PDHX: variants seen among roughly 807,000 people sequenced by gnomAD.
PDHX encodes the protein pyruvate dehydrogenase protein X component, mitochondrial.
In PDHX, 33 loss-of-function variants were observed where a neutral mutation model predicts 55.3. That is an observed-to-expected ratio of 0.60 (90% confidence interval 0.45 to 0.80). The LOEUF (loss-of-function observed/expected upper bound fraction) is 0.80, where lower values mean the gene tolerates loss of function less well. Ranked by LOEUF, PDHX falls within the 30% of genes least tolerant of loss-of-function variation. The pLI is 0.00. For missense variants in PDHX, 622 were observed against 619.9 expected (o/e 1.00, Z -0.04); for synonymous variants, 226 against 219.4 (o/e 1.03, Z -0.27).
chr11:34,970,179 T>A lies in PDHX; in HGVS notation c.857T>A (p.Val286Asp), dbSNP rs1855227740. The A allele has an allele frequency of 6.2e-7, 1 of 1,612,680 alleles. No individual in the cohort carries two copies. Among genetic ancestry groups the A allele is most frequent in the East Asian group, 2.2e-5 (1 of 44,856 alleles). The change falls in exon 7 of 11, where the codon GTT (valine) becomes GAT (aspartate). Residue 286 changes from valine (V) to aspartate (D), a missense_variant. Coordinates refer to ENST00000227868, the MANE Select transcript of PDHX (RefSeq NM_003477.3). ...ATCCCCGCCAGCAATATTCGAAGAG[T>A]TATTGCCAAGAGATTAACTGAATCT... ...TEIPASNIRRVIAKRLTESKS... is the reference protein window; with the variant it reads ...TEIPASNIRRDIAKRLTESKS...
intron 3 of PDHX, among the ~76,000 whole-genome samples, chr11:34,951,647 G>A (rs1473960546): frequency 1.3e-5 from 2 of 152,050 alleles, no homozygotes; most frequent in African/African-American, 4.8e-5. Context: ...TTTATAGGTT[G>A]CCTGTTCACT....
At chr11:34,969,334 G>A (rs1386060454) in intron 6 of PDHX, among the ~76,000 whole-genome samples, 1 of 150,866 alleles carries the variant, frequency 6.6e-6, no homozygotes, top group African/African-American at 2.4e-5. Flanking sequence ...TTTATTTCAG[G>A]TGGTTTTTTT....
chr11:34,941,355 A>G (rs536108419), intron 2 of PDHX, among the ~76,000 whole-genome samples: 7 of 152,352 alleles, frequency 4.6e-5, no homozygotes, highest in African/African-American at 9.6e-5. Flanking sequence ...CTGTTCTTCA[A>G]TCAGATTAGG....
At chr11:34,927,696 T>TA (rs559488455) in intron 1 of PDHX, among the ~76,000 whole-genome samples, 49 of 152,230 alleles carry the variant, frequency 3.2e-4, no homozygotes, top group African/African-American at 1.2e-3. Context: ...CATTAATGCT[T>TA]ATGAAATGAT....
In PDHX at chr11:34,945,983, C is replaced by T. The variant is rs117102733; in HGVS notation, c.242-1523C>T. Among the ~76,000 whole-genome samples the T allele has an allele frequency of 6.2e-4, 94 of 152,324 alleles. 1 individual carries two copies. The East Asian group carries it at 0.016, about 27-fold the overall frequency. On this transcript the variant is annotated intron_variant, in intron 2 of 10. Transcript: ENST00000227868. ...ACTAATTCTTCAGGTATTGCTTCTC[C>T]ACCAGTGCCTCCAGTGTCTTCCCTC...
chr11:34,924,188 A>G (rs1275586693), intron 1 of PDHX, among the ~76,000 whole-genome samples: 12 of 152,208 alleles, frequency 7.9e-5, no homozygotes, highest in South Asian at 2.1e-4. Flanking sequence ...TCAAAAATAA[A>G]TAACTAACAT....
chr11:34,946,790 A>C (rs1245344457), intron 2 of PDHX, among the ~76,000 whole-genome samples: 2 of 152,180 alleles, frequency 1.3e-5, no homozygotes, highest in Non-Finnish European at 2.9e-5. Context: ...CCAAATAGTG[A>C]ATCTGATTTG....
chr11:34,916,875 G>C, intron 1 of PDHX, 60 bp downstream of exon 1: 1 of 1,475,536 alleles, frequency 6.8e-7, no homozygotes, highest in South Asian at 1.2e-5. Context: ...CTGGGACAGG[G>C]GCAGTTATGA....
intron 1 of PDHX, among the ~76,000 whole-genome samples, chr11:34,922,864 T>TTGTGTG (rs60096111): frequency 0.07 from 10,025 of 143,326 alleles, 391 homozygotes; most frequent in East Asian, 0.082. Context: ...CAAAGTATCG[T>TTGTGTG]TGTGTGTGTG....
chr11:34,982,953 G>T (rs947761898), intron 8 of PDHX, among the ~76,000 whole-genome samples: 3 of 152,018 alleles, frequency 2.0e-5, no homozygotes, highest in Non-Finnish European at 4.4e-5. Context: ...TACCAAAGCC[G>T]GGCAGAGACA....
intron 9 of PDHX, among the ~76,000 whole-genome samples, chr11:34,991,674 C>T (rs560065200): frequency 4.6e-5 from 7 of 151,960 alleles, no homozygotes; most frequent in Non-Finnish European, 1.0e-4. Flanking sequence ...TTTGGGAGGC[C>T]GAGGTGGGTG....
chr11:34,945,597 C>A (rs1425740428), intron 2 of PDHX, among the ~76,000 whole-genome samples: 1 of 152,100 alleles, frequency 6.6e-6, no homozygotes, highest in Non-Finnish European at 1.5e-5. Context: ...TACTCTCAGT[C>A]TTTCCATTGA....
At chr11:34,971,115 T>C (rs564762600) in intron 7 of PDHX, among the ~76,000 whole-genome samples, 1 of 152,272 alleles carries the variant, frequency 6.6e-6, no homozygotes, top group East Asian at 1.9e-4. Flanking sequence ...ATAAATATCT[T>C]ATATATTCTT....
At chr11:34,977,038 T>G (rs1199847703) in intron 7 of PDHX, among the ~76,000 whole-genome samples, 1 of 152,148 alleles carries the variant, frequency 6.6e-6, no homozygotes, top group Admixed American at 6.6e-5. Flanking sequence ...AGCAAAAATG[T>G]TTATATATTT....
At chr11:34,961,600 C>CT in intron 5 of PDHX, among the ~76,000 whole-genome samples, 1 of 152,246 alleles carries the variant, frequency 6.6e-6, no homozygotes, top group Non-Finnish European at 1.5e-5. Context: ...GCAATGTTTT[C>CT]TTTTTTCCAC....
At chr11:34,922,864 TTGTGTGTGTGTG>T (rs60096111) in intron 1 of PDHX, among the ~76,000 whole-genome samples, 2 of 143,368 alleles carry the variant, frequency 1.4e-5, no homozygotes, top group Admixed American at 7.2e-5. Flanking sequence ...CAAAGTATCG[TTGTGTGTGTGTG>T]TGTGTGTGTG....
At chr11:34,916,273 A>G, upstream of PDHX, 3 of 1,612,478 alleles carry the variant, frequency 1.9e-6, no homozygotes, top group Non-Finnish European at 1.7e-6. Flanking sequence ...CCCGAGCATC[A>G]CAGCCAGACA....
chr11:34,992,420 T>C, intron 10 of PDHX, 41 bp downstream of exon 10: 1 of 1,016,474 alleles, frequency 9.8e-7, no homozygotes, highest in Non-Finnish European at 1.6e-6. Context: ...ATCAAACAGA[T>C]AGATGTAAGA....
At chr11:34,923,771 AG>A (rs1853953490) in intron 1 of PDHX, among the ~76,000 whole-genome samples, 1 of 152,160 alleles carries the variant, frequency 6.6e-6, no homozygotes, top group Admixed American at 6.5e-5. Flanking sequence ...GGTTTGGTCT[AG>A]GGCTAGGATA....
Sources: gnomAD v4.1 joint callset for allele counts (sites outside exome capture counted in the v4.1 genomes callset) on GRCh38, gnomAD v4.1.1 for gene constraint, MANE v1.5 for transcripts, NCBI Gene and HGNC (gene_info 2026-07-23, HGNC 2026-07-21) for gene names.